The following U2SURP variants were observed in gnomAD, a reference collection of about 807,000 sequenced individuals.
The protein encoded by U2SURP is U2 snRNP-associated SURP motif-containing protein.
U2SURP carries 9 observed loss-of-function variants against 144.9 expected under a neutral mutation model. The observed-to-expected ratio is 0.06, with a 90% CI of 0.04 to 0.11. U2SURP has a LOEUF of 0.11. U2SURP is among the 10% of genes least tolerant of loss of function. U2SURP has a pLI of 1.00. For synonymous variants in U2SURP, 408 were observed against 396.8 expected (o/e 1.03, Z -0.33); for missense variants, 724 against 1,226.7 (o/e 0.59, Z 6.12).
At chr3:143,008,363 A>G (rs1466570534) in intron 1 of U2SURP, among the ~76,000 whole-genome samples, 1 of 152,266 alleles carries the variant, frequency 6.6e-6, no homozygotes, top group African/African-American at 2.4e-5. Flanking sequence ...ATGTGGTGGC[A>G]TCAAAGACTA....
Position 143,043,132 on chromosome 3 carries a change from T to C in U2SURP, c.2400T>C (p.Ser800=), listed in dbSNP as rs1447642528. The change falls in exon 24 of 28, where the codon AGT becomes AGC. Residue 800 remains serine (S), a synonymous_variant. Coordinates refer to ENST00000473835, the MANE Select transcript of U2SURP (RefSeq NM_001080415.2). ...EEENQNQEEE[S]EDEEDTQSSK... ...GTTTCTAAAGTCAAGAAGAAGAAAGTGAAGATGAAGAAGATACTCAAAGTT... is the reference window on the plus strand; with the variant it reads ...GTTTCTAAAGTCAAGAAGAAGAAAGCGAAGATGAAGAAGATACTCAAAGTT... 6.2e-7 allele frequency: 1 copy of C among 1,603,334 alleles called. No homozygotes were observed.
At chr3:143,002,368 T>C (rs568694769) in intron 1 of U2SURP, 1 of 152,420 alleles carries the variant, frequency 6.6e-6, no homozygotes, top group South Asian at 2.1e-4. Context: ...ACTTGTAAGC[T>C]ACATACGATT....
At position 143,010,907 on chromosome 3, in the gene U2SURP, TCTC is replaced by T. The variant is rs760324808; in HGVS notation, c.90+52_90+54del. 6.4e-5 allele frequency: 90 copies of T among 1,414,932 alleles called. 1 individual carries two copies. Among genetic ancestry groups the T allele is most frequent in the East Asian group, 1.8e-4 (8 of 43,594 alleles). The allele number at this position is 1,414,932 out of a possible 1,614,324, so 87.6% of individuals were successfully genotyped here. A position where few individuals can be genotyped will look rare whatever the true frequency, so the allele number is the denominator to read the frequency against. On this transcript the variant is annotated intron_variant, in intron 2 of 27. Coordinates refer to ENST00000473835, the MANE Select transcript of U2SURP (RefSeq NM_001080415.2). ...GTCTTTTTTCCTTTAAAATTTAACT[TCTC>T]CTCATATGTATCCCTACATCAATGA...
At chr3:143,039,685 G>T (rs894365189) in intron 23 of U2SURP, among the ~76,000 whole-genome samples, 2 of 147,252 alleles carry the variant, frequency 1.4e-5, no homozygotes, top group African/African-American at 2.5e-5. Flanking sequence ...AAAATTTTGC[G>T]TTCTTCTATT....
chr3:143,035,872 A>G, intron 19 of U2SURP, 110 bp from the exon 20 acceptor site: 5 of 1,140,106 alleles, frequency 4.4e-6, no homozygotes, highest in Non-Finnish European at 5.9e-6. Flanking sequence ...GTTTAAAAAA[A>G]CATCAGTTTA....
intron 6 of U2SURP, among the ~76,000 whole-genome samples, chr3:143,018,281 A>G (rs1216385162): frequency 2.0e-5 from 3 of 151,756 alleles, no homozygotes; most frequent in Non-Finnish European, 2.9e-5. Flanking sequence ...GACATTTTTT[A>G]TGGATGGTAT....
chr3:143,017,257 T>G, intron 6 of U2SURP: 1 of 242,568 alleles, frequency 4.1e-6, no homozygotes. Flanking sequence ...AGTCAAAAAT[T>G]GACTATATTT....
intron 24 of U2SURP, among the ~76,000 whole-genome samples, chr3:143,049,129 G>T (rs957644836): frequency 2.6e-5 from 4 of 151,014 alleles, no homozygotes; most frequent in African/African-American, 9.7e-5. Context: ...AATTAGGCTT[G>T]GTGGCGTGCG....
In U2SURP at chr3:143,055,033, G is replaced by A. The variant is rs1935072659; in HGVS notation, c.2865G>A (p.Glu955=). ...CATCACCAAAATCGGAGCGATCAGA[G>A]CGTTCAGAAAGATCTCATAAAGAGA... is the stretch of plus-strand genomic sequence containing the variant. ...KSPSPKSERS[E]RSERSHKESS... The change falls in exon 27 of 28, where the codon GAG becomes GAA. Residue 955 remains glutamate, a synonymous_variant. Transcript: ENST00000473835. 3 of 1,608,348 alleles carry A rather than the reference G, an allele frequency of 1.9e-6. No individual in the cohort carries two copies. The highest frequency in any genetic ancestry group is 2.5e-6 in the Non-Finnish European group (3 of 1,177,402).
chr3:143,020,090 A>G, intron 7 of U2SURP, 54 bp downstream of exon 7: 1 of 1,113,806 alleles, frequency 9.0e-7, no homozygotes, highest in Non-Finnish European at 1.2e-6. Context: ...GCTGATACAT[A>G]AACAGATGCA....
chr3:143,014,482 G>T, intron 4 of U2SURP, 73 bp downstream of exon 4: 5 of 1,029,078 alleles, frequency 4.9e-6, no homozygotes, highest in Non-Finnish European at 6.9e-6. Context: ...TGTATTAGAG[G>T]AATGTTTCCC....
At chr3:143,010,138 G>T (rs1386389280) in intron 1 of U2SURP, among the ~76,000 whole-genome samples, 1 of 152,190 alleles carries the variant, frequency 6.6e-6, no homozygotes, top group African/African-American at 2.4e-5. Flanking sequence ...ATGTGTAGTG[G>T]CAACAAGTTA....
Position 143,020,533 on chromosome 3 carries a change from C to CTTCT in U2SURP, c.639-66_639-65insTTCT. ...TATTTGATGATAGTAATTTGATAAG[C>CTTCT]GCTATTCTGAAATGTGAATGAACAA... On this transcript the variant is annotated intron_variant, in intron 7 of 27. Transcript: ENST00000473835. 4.0e-6 allele frequency: 4 copies of CTTCT among 1,007,322 alleles called. No homozygotes were observed. The South Asian group carries it at 4.2e-5, about 10-fold the overall frequency. 62.4% of individuals were successfully genotyped at this position (1,007,322 alleles called of 1,614,324 possible). A position where few individuals can be genotyped will look rare whatever the true frequency, so the allele number is the denominator to read the frequency against.
intron 25 of U2SURP, among the ~76,000 whole-genome samples, chr3:143,051,278 A>G (rs569627200): frequency 6.6e-6 from 1 of 152,232 alleles, no homozygotes; most frequent in Admixed American, 6.5e-5. Flanking sequence ...CCTGTGGACA[A>G]GAAGATTAAT....
intron 22 of U2SURP, 91 bp downstream of exon 22, chr3:143,038,294 A>G (rs537229393): frequency 1.3e-5 from 13 of 977,636 alleles, no homozygotes; most frequent in African/African-American, 6.7e-5. Flanking sequence ...TTTATGTTTT[A>G]TAACACGTTT....
chr3:143,028,314 G>GT, intron 14 of U2SURP, 26 bp from the exon 15 acceptor site: 1 of 1,592,962 alleles, frequency 6.3e-7, no homozygotes, highest in South Asian at 1.1e-5. Flanking sequence ...AGAATATGAT[G>GT]TTTAATGTTT....
At chr3:143,006,625 C>A (rs984660248) in intron 1 of U2SURP, among the ~76,000 whole-genome samples, 19 of 152,184 alleles carry the variant, frequency 1.2e-4, no homozygotes, top group African/African-American at 4.3e-4. Flanking sequence ...CATGGTGGCA[C>A]ATGCTACTCG....
Position 143,021,241 on chromosome 3 carries a change from G to T in U2SURP, c.734-109G>T. Reference sequence around the variant, plus strand: ...GTTGTGTGAAGTGGTCTCTCTTTTTGTCTCTCAGAAATACCTTACTGTAAC... The same window carrying T: ...GTTGTGTGAAGTGGTCTCTCTTTTTTTCTCTCAGAAATACCTTACTGTAAC... On this transcript the variant is annotated intron_variant, in intron 8 of 27. Coordinates refer to ENST00000473835, the MANE Select transcript of U2SURP (RefSeq NM_001080415.2). 4.1e-6 allele frequency: 5 copies of T among 1,205,448 alleles called. No homozygotes were observed. The Admixed American group carries it at 7.0e-5, about 17-fold the overall frequency. The allele number at this position is 1,205,448 out of a possible 1,614,324, so 74.7% of individuals were successfully genotyped here.
In U2SURP at chr3:143,049,945, G is replaced by A. The variant is rs186159832; in HGVS notation, c.2545-994G>A. Among the ~76,000 whole-genome samples, 712 of 152,232 alleles carry A rather than the reference G, an allele frequency of 4.7e-3. 2 individuals are homozygous for A. Among genetic ancestry groups the A allele is most frequent in the Non-Finnish European group, 5.8e-3 (397 of 68,010 alleles). ...TACATGTATTTGTTTGTGTGGAGGTGTATTAGCCAGAAATCTCTGGGTAAA... is the reference window on the plus strand; with the variant it reads ...TACATGTATTTGTTTGTGTGGAGGTATATTAGCCAGAAATCTCTGGGTAAA... On this transcript the variant is annotated intron_variant, in intron 24 of 27. Transcript: ENST00000473835.
Sources: allele counts gnomAD v4.1 joint callset (sites outside exome capture counted in the v4.1 genomes callset), GRCh38; gene constraint gnomAD v4.1.1; transcripts MANE v1.5; gene names NCBI Gene and HGNC (gene_info 2026-07-23, HGNC 2026-07-21).